TRDN: variants seen among roughly 807,000 people sequenced by gnomAD.
TRDN encodes triadin.
A neutral mutation model predicts 149.7 loss-of-function variants in TRDN; 161 were observed. That is an observed-to-expected ratio of 1.08 (90% CI 0.95 to 1.23). The LOEUF (loss-of-function observed/expected upper bound fraction) is 1.23, where lower values mean the gene tolerates loss of function less well. Ranked by LOEUF, TRDN falls within the 50% of genes most tolerant of loss-of-function variation. TRDN has a pLI of 0.00. For missense variants in TRDN, 896 were observed against 823.5 expected (o/e 1.09, Z -1.08); for synonymous variants, 294 against 250.5 (o/e 1.17, Z -1.64).
chr6:123,550,632 G>A (rs1165152200), intron 2 of TRDN, among the ~76,000 whole-genome samples: 1 of 152,064 alleles, frequency 6.6e-6, no homozygotes, highest in East Asian at 1.9e-4. Flanking sequence ...CAAATAGGAA[G>A]AATATCCCAT....
chr6:123,223,672 T>TTC (rs1775236780), intron 39 of TRDN, among the ~76,000 whole-genome samples: 1 of 105,718 alleles, frequency 9.5e-6, no homozygotes, highest in Non-Finnish European at 2.0e-5. Context: ...GCCTTCCATT[T>TTC]CTTCCTTCCT....
rs1028605841 is a variant in TRDN, at chr6:123,259,661, T to C, written c.1833A>G (p.Gly611=). ...PKGTSEVTES[G]KKKTEISEKE... ...TTTCAGATATTTCAGTTTTCTTCTTTCCTAGGGGAAAGAAAAACAACAAGA... is the reference window on the plus strand; with the variant it reads ...TTTCAGATATTTCAGTTTTCTTCTTCCCTAGGGGAAAGAAAAACAACAAGA... Residue 611 remains glycine (G), a splice_region_variant and synonymous_variant, in exon 35 of 41, where the codon GGA becomes GGG. Coordinates refer to ENST00000334268, the MANE Select transcript of TRDN (RefSeq NM_006073.4). 6.8e-7 allele frequency: 1 copy of C among 1,468,110 alleles called. No homozygotes were observed. Among genetic ancestry groups the C allele is most frequent in the Admixed American group, 2.2e-5 (1 of 45,092 alleles). The allele number at this position is 1,468,110 out of a possible 1,614,324, so 90.9% of individuals were successfully genotyped here. A position where few individuals can be genotyped will look rare whatever the true frequency, so the allele number is the denominator to read the frequency against.
At chr6:123,420,397 A>AAAAC (rs1773848354) in intron 12 of TRDN, among the ~76,000 whole-genome samples, 1 of 152,042 alleles carries the variant, frequency 6.6e-6, no homozygotes, top group African/African-American at 2.4e-5. Flanking sequence ...TTTTTAAAAA[A>AAAAC]AAAACAGCAA....
intron 1 of TRDN, among the ~76,000 whole-genome samples, chr6:123,578,877 A>G (rs6922576): frequency 0.28 from 42,230 of 151,854 alleles, 6,236 homozygotes; most frequent in East Asian, 0.5. Flanking sequence ...CCCTGGTTAC[A>G]TGTACTCCTA....
At chr6:123,249,316 T>G (rs142792346) in intron 38 of TRDN, among the ~76,000 whole-genome samples, 15 of 152,242 alleles carry the variant, frequency 9.9e-5, no homozygotes, top group African/African-American at 3.4e-4. Flanking sequence ...AAAGGAAGGC[T>G]TATACACTGT....
intron 1 of TRDN, among the ~76,000 whole-genome samples, chr6:123,586,499 G>A (rs1472647834): frequency 1.3e-5 from 2 of 152,132 alleles, no homozygotes; most frequent in Admixed American, 1.3e-4. Flanking sequence ...ATGTGTAAAA[G>A]AATGCCTGGA....
intron 38 of TRDN, among the ~76,000 whole-genome samples, chr6:123,243,046 C>T (rs1776046098): frequency 6.6e-6 from 1 of 152,118 alleles, no homozygotes; most frequent in South Asian, 2.1e-4. Flanking sequence ...AGAAGGAAGG[C>T]CTGGCACTTT....
At chr6:123,360,460 A>G (rs549607196) in intron 20 of TRDN, among the ~76,000 whole-genome samples, 58 of 152,204 alleles carry the variant, frequency 3.8e-4, no homozygotes, top group Non-Finnish European at 7.1e-4. Context: ...ATGGTAGCCC[A>G]ACAACAGAGA....
intron 12 of TRDN, among the ~76,000 whole-genome samples, chr6:123,423,129 C>T (rs985950968): frequency 6.6e-6 from 1 of 151,944 alleles, no homozygotes; most frequent in African/African-American, 2.4e-5. Context: ...ATTTTATACT[C>T]CAGCTATAAA....
intron 22 of TRDN, among the ~76,000 whole-genome samples, chr6:123,335,000 A>G (rs1038535126): frequency 2.3e-4 from 35 of 152,148 alleles, no homozygotes; most frequent in African/African-American, 7.9e-4. Context: ...AAATAAGTGA[A>G]TTTTTAGCAA....
At chr6:123,334,032 C>T (rs1272562359) in intron 22 of TRDN, among the ~76,000 whole-genome samples, 1 of 151,952 alleles carries the variant, frequency 6.6e-6, no homozygotes, top group Admixed American at 6.6e-5. Context: ...TTACACTACC[C>T]CCAGAGACAA....
intron 12 of TRDN, among the ~76,000 whole-genome samples, chr6:123,418,186 A>G (rs1773735988): frequency 1.3e-5 from 2 of 152,114 alleles, no homozygotes; most frequent in Admixed American, 1.3e-4. Context: ...AGGAATACAC[A>G]CCAGCTGGCA....
chr6:123,232,520 A>G (rs1775643798), intron 38 of TRDN, among the ~76,000 whole-genome samples: 2 of 152,048 alleles, frequency 1.3e-5, no homozygotes, highest in Admixed American at 6.6e-5. Flanking sequence ...AGCTCTGAGA[A>G]GCAGAAAGGG....
intron 7 of TRDN, among the ~76,000 whole-genome samples, chr6:123,504,816 T>A (rs896092706): frequency 3.9e-5 from 6 of 152,204 alleles, no homozygotes; most frequent in Non-Finnish European, 7.3e-5. Context: ...TCATAATAGA[T>A]GCTGAATATT....
intron 10 of TRDN, among the ~76,000 whole-genome samples, chr6:123,451,113 A>G (rs1208918138): frequency 6.6e-6 from 1 of 152,144 alleles, no homozygotes; most frequent in Non-Finnish European, 1.5e-5. Flanking sequence ...GCTGAGAGGA[A>G]AGTTCATGGC....
rs73770199 is a variant in TRDN, at chr6:123,619,584, T to C, written c.22+17170A>G. The stretch of plus-strand genomic sequence containing the variant: ...CTTTGTTGAAGCTGTTATACAAGTC[T>C]GTTTGTGTTTAACGGGAGGAAAAGT... On this transcript the variant is annotated intron_variant, in intron 1 of 40. Transcript: ENST00000334268. 7.9e-3 allele frequency among the ~76,000 whole-genome samples: 1,196 copies of C among 152,316 alleles called. 16 individuals are homozygous for C. Among genetic ancestry groups the C allele is most frequent in the African/African-American group, 0.026 (1,098 of 41,564 alleles).
intron 24 of TRDN, among the ~76,000 whole-genome samples, chr6:123,279,510 A>C (rs1777504374): frequency 6.6e-6 from 1 of 152,076 alleles, no homozygotes; most frequent in Non-Finnish European, 1.5e-5. Flanking sequence ...AAATATTTGA[A>C]TAGTCAACAC....
At chr6:123,528,553 T>C (rs1269859078) in intron 5 of TRDN, 1 of 785,940 alleles carries the variant, frequency 1.3e-6, no homozygotes, top group Non-Finnish European at 1.5e-6. Context: ...TCAAATACTG[T>C]ATCTTTTCTT....
intron 38 of TRDN, among the ~76,000 whole-genome samples, chr6:123,233,806 C>T (rs4994595): frequency 0.053 from 8,064 of 151,984 alleles, 632 homozygotes; most frequent in African/African-American, 0.18. Flanking sequence ...GATGTTTTCT[C>T]TTTATTTTTT....
Sources: gnomAD v4.1 joint callset for allele counts (sites outside exome capture counted in the v4.1 genomes callset) on GRCh38, gnomAD v4.1.1 for gene constraint, MANE v1.5 for transcripts, NCBI Gene and HGNC (gene_info 2026-07-23, HGNC 2026-07-21) for gene names.